Variants in CCR9 observed in about 807,000 individuals in gnomAD.
CCR9 encodes C-C chemokine receptor type 9.
Under a neutral mutation model 8.7 loss-of-function variants are expected in CCR9, and 4 were observed. The ratio of observed to expected loss-of-function variants is 0.46; its 90% confidence interval spans 0.23 to 1.06. The LOEUF is 1.06. Ranked by LOEUF, CCR9 falls within the 50% of genes least tolerant of loss-of-function variation. The pLI, the probability that CCR9 is intolerant of heterozygous loss-of-function variation, is 0.21. For missense variants in CCR9, 394 were observed against 453.6 expected (o/e 0.87, Z 1.19); for synonymous variants, 159 against 168.8 (o/e 0.94, Z 0.45).
intron 2 of CCR9, among the ~76,000 whole-genome samples, chr3:45,897,264 G>T (rs541941925): frequency 2.0e-5 from 3 of 152,190 alleles, no homozygotes; most frequent in Non-Finnish European, 4.4e-5. Flanking sequence ...GATTCCTCTC[G>T]TGGTCCTGAC....
rs1702577052 is a variant in CCR9 at position 45,902,036 on chromosome 3, T to C, written c.*138T>C. 2.6e-6 allele frequency: 2 copies of C among 756,626 alleles called. No individual in the cohort carries two copies. Among genetic ancestry groups the C allele is most frequent in the Admixed American group, 3.2e-5 (1 of 31,730 alleles). 46.9% of individuals were successfully genotyped at this position (756,626 alleles called of 1,614,324 possible). On this transcript the variant is annotated 3_prime_UTR_variant, in exon 3 of 3. Coordinates refer to ENST00000357632, the MANE Select transcript of CCR9 (RefSeq NM_031200.3). Reference sequence around the variant, plus strand: ...TGAATCTGAACTATATGATTACTTGTAGTCAGAATTTGCCAAAGCAAATAT... The same window carrying C: ...TGAATCTGAACTATATGATTACTTGCAGTCAGAATTTGCCAAAGCAAATAT...
chr3:45,893,033 A>C (rs1702236102), intron 1 of CCR9, among the ~76,000 whole-genome samples: 1 of 152,232 alleles, frequency 6.6e-6, no homozygotes, highest in Non-Finnish European at 1.5e-5. Context: ...GTTCTGACGT[A>C]CATACACCCT....
intron 1 of CCR9, among the ~76,000 whole-genome samples, chr3:45,890,348 A>ATTTATAT (rs1184589760): frequency 1.9e-4 from 1 of 5,374 alleles, no homozygotes; most frequent in South Asian, 4.2e-3. Context: ...ATATATATAT[A>ATTTATAT]ACATATATAT....
intron 2 of CCR9, among the ~76,000 whole-genome samples, chr3:45,898,137 C>T (rs1702427604): frequency 6.6e-6 from 1 of 152,120 alleles, no homozygotes; most frequent in Non-Finnish European, 1.5e-5. Flanking sequence ...GGTCATCCTC[C>T]CAACCTCTTA....
chr3:45,902,032 C>T lies in CCR9; in HGVS notation c.*134C>T. On this transcript the variant is annotated 3_prime_UTR_variant, in exon 3 of 3. Coordinates refer to ENST00000357632, the MANE Select transcript of CCR9 (RefSeq NM_031200.3). ...GGGATGAATCTGAACTATATGATTA[C>T]TTGTAGTCAGAATTTGCCAAAGCAA... 1.3e-6 allele frequency: 1 copy of T among 768,330 alleles called. No homozygotes were observed. The highest frequency in any genetic ancestry group is 2.7e-5 in the East Asian group (1 of 36,384). The allele number at this position is 768,330 out of a possible 1,614,324, so 47.6% of individuals were successfully genotyped here.
At chr3:45,887,582 G>C (rs1043225842) in intron 1 of CCR9, among the ~76,000 whole-genome samples, 5 of 152,198 alleles carry the variant, frequency 3.3e-5, no homozygotes, top group Admixed American at 2.0e-4. Context: ...GTGCTGAACC[G>C]GAAGGGCTGT....
At chr3:45,889,886 A>T (rs151040374) in intron 1 of CCR9, among the ~76,000 whole-genome samples, 1 of 151,724 alleles carries the variant, frequency 6.6e-6, no homozygotes, top group African/African-American at 2.4e-5. Context: ...CTGCTCCAAC[A>T]TATATCCCTA....
At position 45,887,251 on chromosome 3, in the gene CCR9, CTG is replaced by C. The variant is rs36040178; in HGVS notation, c.-29+619_-29+620del. Among the ~76,000 whole-genome samples the C allele has an allele frequency of 2.4e-3, 359 of 148,984 alleles. 2 individuals carry two copies. Among genetic ancestry groups the C allele is most frequent in the African/African-American group, 4.1e-3 (168 of 40,676 alleles). ...TCCTTTCTATTAAGTGCGTGTGTGT[CTG>C]TGTGTGTGTGTGTGTGTGTGTGAGG... On this transcript the variant is annotated intron_variant, in intron 1 of 2. Transcript: ENST00000357632.
chr3:45,900,697 G>T lies in CCR9; in HGVS notation c.22-113G>T. ...TCCTCAGAATGCCTATGTGTCTTTGGCCTTATCATAGGTGTTTGGGGTTGG... is the reference window on the plus strand; with the variant it reads ...TCCTCAGAATGCCTATGTGTCTTTGTCCTTATCATAGGTGTTTGGGGTTGG... On this transcript the variant is annotated intron_variant, in intron 2 of 2. Transcript: ENST00000357632. This position sits in a 1 kb window ranked among gnomAD's most constrained non-coding sequence, Gnocchi z 4.7. The T allele has an allele frequency of 9.8e-7, 1 of 1,020,448 alleles. No homozygotes were observed. Among genetic ancestry groups the T allele is most frequent in the Non-Finnish European group, 1.4e-6 (1 of 693,956 alleles). 63.2% of individuals were successfully genotyped at this position (1,020,448 alleles called of 1,614,324 possible).
At chr3:45,897,325 A>G (rs966064275) in intron 2 of CCR9, among the ~76,000 whole-genome samples, 2 of 152,208 alleles carry the variant, frequency 1.3e-5, no homozygotes, top group African/African-American at 4.8e-5. Context: ...CACTTAAAAA[A>G]TATGCCTGGG....
chr3:45,886,495 G>A (rs1701984458), upstream of CCR9: 1 of 152,234 alleles, frequency 6.6e-6, no homozygotes, highest in African/African-American at 2.4e-5. Context: ...CACAGGCAGG[G>A]GTGGCCTGGC....
In CCR9 at chr3:45,900,676, C is replaced by T; in HGVS notation, c.22-134C>T. The T allele has an allele frequency of 8.7e-6, 7 of 802,980 alleles. No individual in the cohort carries two copies. Among genetic ancestry groups the T allele is most frequent in the Non-Finnish European group, 8.0e-6 (4 of 499,732 alleles). 49.7% of individuals were successfully genotyped at this position (802,980 alleles called of 1,614,324 possible). A position where few individuals can be genotyped will look rare whatever the true frequency, so the allele number is the denominator to read the frequency against. The stretch of plus-strand genomic sequence containing the variant: ...ATGTCACAACCCAAGCAGATGTCCT[C>T]AGAATGCCTATGTGTCTTTGGCCTT... On this transcript the variant is annotated intron_variant, in intron 2 of 2. Transcript: ENST00000357632. This position sits in a 1 kb window ranked among gnomAD's most constrained non-coding sequence, Gnocchi z 4.7.
At chr3:45,889,304 TA>T (rs57833297) in intron 1 of CCR9, among the ~76,000 whole-genome samples, 14,790 of 148,368 alleles carry the variant, frequency 0.1, 1,084 homozygotes, top group South Asian at 0.37. Context: ...ATATTACCTT[TA>T]AAAAAAAAAA....
rs1290895512 is a variant in CCR9 at position 45,901,267 on chromosome 3, A to C, written c.479A>C (p.Lys160Thr). The C allele has an allele frequency of 5.0e-6, 8 of 1,614,220 alleles. No individual in the cohort carries two copies. The East Asian group carries it at 1.8e-4, about 36-fold the overall frequency. Residue 160 changes from lysine to threonine, a missense_variant, in exon 3 of 3, where the codon AAA (lysine) becomes ACA (threonine). By Grantham distance (78) the Lys-to-Thr change is moderately conservative. Transcript: ENST00000357632. The surrounding 1 kb of genome is among the most constrained non-coding windows in gnomAD (Gnocchi z 4.3). ...QAMRAHTWREKRLLYSKMVCF... is the reference protein window; with the variant it reads ...QAMRAHTWRETRLLYSKMVCF... ...ATGAGAGCACATACTTGGAGGGAGA[A>C]AAGGCTTTTGTACAGCAAAATGGTT...
chr3:45,886,094 C>T (rs927774762), upstream of CCR9, among the ~76,000 whole-genome samples: 1 of 152,180 alleles, frequency 6.6e-6, no homozygotes, highest in African/African-American at 2.4e-5. Context: ...TAGCACAGCC[C>T]TCCGGGTTCT....
chr3:45,897,687 G>A lies in CCR9; in HGVS notation c.21+2733G>A, dbSNP rs566782120. 2.8e-5 allele frequency: 37 copies of A among 1,325,928 alleles called. No homozygotes were observed. The Admixed American group carries it at 8.2e-4, about 29-fold the overall frequency. 82.1% of individuals were successfully genotyped at this position (1,325,928 alleles called of 1,614,324 possible). On this transcript the variant is annotated intron_variant, in intron 2 of 2. Coordinates refer to ENST00000357632, the MANE Select transcript of CCR9 (RefSeq NM_031200.3). ...CCTTCCCACCTGCCCCCTCTCATTT[G>A]TTCCCCAGGAACCAAAGTCGTCCCT... is the stretch of plus-strand genomic sequence containing the variant.
chr3:45,901,885 C>G lies in CCR9; in HGVS notation c.1097C>G (p.Ala366Gly), dbSNP rs1440536439. The G allele has an allele frequency of 6.3e-7, 1 of 1,596,970 alleles. No individual in the cohort carries two copies. ...ATGTTGCTGGAGACAACCTCAGGAG[C>G]ACTCTCCCTCTGAGGGGTCTTCTCT... Reference protein sequence around the residue: ...SSMLLETTSGALSL With the variant: ...SSMLLETTSGGLSL Residue 366 changes from alanine to glycine, a missense_variant, in exon 3 of 3, where the codon GCA (alanine) becomes GGA (glycine). Coordinates refer to ENST00000357632, the MANE Select transcript of CCR9 (RefSeq NM_031200.3). The surrounding 1 kb of genome is among the most constrained non-coding windows in gnomAD (Gnocchi z 4.3).
rs1280603454 is a variant in CCR9 at position 45,900,947 on chromosome 3, C to G, written c.159C>G (p.Pro53=). The G allele has an allele frequency of 2.5e-6, 4 of 1,614,106 alleles. No homozygotes were observed. The highest frequency in any genetic ancestry group is 1.1e-5 in the South Asian group (1 of 91,084). ...VRQFASHFLP[P]LYWLVFIVGA... is the part of the protein sequence containing the mutation. Reference sequence around the variant, plus strand: ...AGTTTGCGAGCCATTTCCTCCCACCCTTGTACTGGCTCGTGTTCATCGTGG... The same window carrying G: ...AGTTTGCGAGCCATTTCCTCCCACCGTTGTACTGGCTCGTGTTCATCGTGG... The change falls in exon 3 of 3, where the codon CCC becomes CCG. Residue 53 remains proline, a synonymous_variant. Coordinates refer to ENST00000357632, the MANE Select transcript of CCR9 (RefSeq NM_031200.3). The surrounding 1 kb of genome is among the most constrained non-coding windows in gnomAD (Gnocchi z 4.7).
chr3:45,896,701 T>C (rs1475006961), intron 2 of CCR9, among the ~76,000 whole-genome samples: 8 of 152,230 alleles, frequency 5.3e-5, no homozygotes, highest in South Asian at 2.1e-4. Context: ...GATTTAATAC[T>C]TTCTCAAGTG....
Sources: gnomAD v4.1 joint callset for allele counts (sites outside exome capture counted in the v4.1 genomes callset) on GRCh38, gnomAD v4.1.1 for gene constraint, Gnocchi (gnomAD v3.1) non-coding constraint, MANE v1.5 for transcripts, NCBI Gene and HGNC (gene_info 2026-07-23, HGNC 2026-07-21) for gene names.